The following HPGDS variants were observed in gnomAD, a reference collection of about 807,000 sequenced individuals.
HPGDS encodes GST class-sigma.
A neutral mutation model predicts 23.1 loss-of-function variants in HPGDS; 26 were observed. The ratio of observed to expected loss-of-function variants is 1.13; its 90% CI spans 0.83 to 1.56. The LOEUF (loss-of-function observed/expected upper bound fraction) is 1.56. Among genes scored for constraint, HPGDS ranks in the 40% most tolerant of loss-of-function variants. HPGDS has a pLI of 0.00. For synonymous variants in HPGDS, 95 were observed against 77.9 expected (o/e 1.22, Z -1.16); for missense variants, 268 against 236.4 (o/e 1.13, Z -0.88).
intron 2 of HPGDS, among the ~76,000 whole-genome samples, chr4:94,328,965 C>T (rs1328456687): frequency 6.6e-6 from 1 of 152,060 alleles, no homozygotes; most frequent in Non-Finnish European, 1.5e-5. Flanking sequence ...AATAAAAATA[C>T]CTTTAAGTAC....
intron 4 of HPGDS, among the ~76,000 whole-genome samples, chr4:94,306,540 A>T (rs1335042965): frequency 2.0e-5 from 3 of 152,060 alleles, no homozygotes; most frequent in Non-Finnish European, 4.4e-5. Context: ...TCAGGAAATG[A>T]CCGGATATGT....
At chr4:94,318,552 A>G (rs887850888) in intron 2 of HPGDS, among the ~76,000 whole-genome samples, 1 of 152,034 alleles carries the variant, frequency 6.6e-6, no homozygotes, top group African/African-American at 2.4e-5. Context: ...GTCTTTTTAT[A>G]TTGATTTCTA....
In HPGDS at chr4:94,317,870, T is replaced by A. The variant is rs751959651; in HGVS notation, c.226+3A>T. Reference sequence around the variant, plus strand: ...AAAATCTTAAGCACAATAAACATGTTACCTGTGTTTTTGGTCAAATATCTT... The same window carrying A: ...AAAATCTTAAGCACAATAAACATGTAACCTGTGTTTTTGGTCAAATATCTT... On this transcript the variant is annotated splice_donor_region_variant and intron_variant, in intron 3 of 5. Transcript: ENST00000295256. 2 of 1,559,690 alleles carry A rather than the reference T, an allele frequency of 1.3e-6. No individual in the cohort carries two copies. The highest frequency in any genetic ancestry group is 1.8e-6 in the Non-Finnish European group (2 of 1,131,948).
intron 2 of HPGDS, among the ~76,000 whole-genome samples, chr4:94,322,198 T>A (rs1374831566): frequency 6.8e-6 from 1 of 147,192 alleles, no homozygotes; most frequent in Non-Finnish European, 1.5e-5. Flanking sequence ...CCATCGATGT[T>A]CATCAGGGAT....
intron 1 of HPGDS, among the ~76,000 whole-genome samples, chr4:94,337,422 A>G (rs111999776): frequency 0.044 from 6,756 of 152,126 alleles, 408 homozygotes; most frequent in African/African-American, 0.14. Context: ...CACGCCTGTA[A>G]TCCTAGCACT....
At chr4:94,333,787 G>C (rs1411123613) in intron 2 of HPGDS, among the ~76,000 whole-genome samples, 1 of 152,178 alleles carries the variant, frequency 6.6e-6, no homozygotes, top group African/African-American at 2.4e-5. Context: ...TGTAATATCT[G>C]CACCTTTCTA....
intron 2 of HPGDS, among the ~76,000 whole-genome samples, chr4:94,323,676 C>T (rs1020429044): frequency 1.3e-5 from 2 of 152,068 alleles, no homozygotes; most frequent in South Asian, 2.1e-4. Context: ...TGAGATGGGT[C>T]TCCTGAATAC....
chr4:94,307,756 G>T (rs62320435), intron 4 of HPGDS, among the ~76,000 whole-genome samples: 6,164 of 152,212 alleles, frequency 0.04, 166 homozygotes, highest in South Asian at 0.077. Flanking sequence ...TGGAAAGTCA[G>T]CAGTAAAAGT....
At chr4:94,315,931 C>T (rs1756388456) in intron 3 of HPGDS, among the ~76,000 whole-genome samples, 1 of 152,116 alleles carries the variant, frequency 6.6e-6, no homozygotes, top group African/African-American at 2.4e-5. Flanking sequence ...CTCATTTTTT[C>T]AGCCTCCTTT....
At chr4:94,303,499 C>T (rs930658172) in intron 4 of HPGDS, among the ~76,000 whole-genome samples, 2 of 152,134 alleles carry the variant, frequency 1.3e-5, no homozygotes, top group Non-Finnish European at 2.9e-5. Flanking sequence ...ATTTAAAAAC[C>T]GAAGCTTATA....
At chr4:94,322,779 C>G (rs897953609) in intron 2 of HPGDS, among the ~76,000 whole-genome samples, 1 of 152,050 alleles carries the variant, frequency 6.6e-6, no homozygotes, top group Non-Finnish European at 1.5e-5. Context: ...CTGTTCTGAT[C>G]TTACTTATTT....
At chr4:94,310,486 C>A (rs1442950290) in intron 3 of HPGDS, among the ~76,000 whole-genome samples, 1 of 152,056 alleles carries the variant, frequency 6.6e-6, no homozygotes, top group Non-Finnish European at 1.5e-5. Flanking sequence ...TTCCACTGGT[C>A]TGCCTATATC....
At chr4:94,322,718 T>A (rs923309603) in intron 2 of HPGDS, among the ~76,000 whole-genome samples, 5 of 152,062 alleles carry the variant, frequency 3.3e-5, no homozygotes, top group African/African-American at 1.2e-4. Flanking sequence ...AATAAGCTCC[T>A]GGGTTCGCTG....
In HPGDS at chr4:94,302,210, G is replaced by T. The variant is rs748351793; in HGVS notation, c.371C>A (p.Ala124Glu). 6.2e-7 allele frequency: 1 copy of T among 1,612,280 alleles called. No individual in the cohort carries two copies. Among genetic ancestry groups the T allele is most frequent in the Non-Finnish European group, 8.5e-7 (1 of 1,178,770 alleles). Residue 124 changes from alanine to glutamate, a missense_variant, in exon 5 of 6, where the codon GCG (alanine) becomes GAG (glutamate). Physicochemically the swap from Ala to Glu is moderately radical, Grantham distance 107. Transcript: ENST00000295256. ...GTCCAAGTCTTGCATAAGATGAGGC[G>T]CATTATACGTGAGCAGCTCATTGAA... ...QMFNELLTYN[A>E]PHLMQDLDTY...
chr4:94,310,750 G>A (rs1241349268), intron 3 of HPGDS, among the ~76,000 whole-genome samples: 1 of 152,124 alleles, frequency 6.6e-6, no homozygotes, highest in African/African-American at 2.4e-5. Context: ...TCACAACATT[G>A]ATTCTTCCTA....
chr4:94,310,628 G>C (rs1279225262), intron 3 of HPGDS, among the ~76,000 whole-genome samples: 3 of 151,984 alleles, frequency 2.0e-5, no homozygotes, highest in Non-Finnish European at 4.4e-5. Flanking sequence ...GCTCTTTTTT[G>C]GTTCCATATG....
At chr4:94,327,048 G>T (rs1467757784) in intron 2 of HPGDS, among the ~76,000 whole-genome samples, 1 of 152,004 alleles carries the variant, frequency 6.6e-6, no homozygotes, top group South Asian at 2.1e-4. Context: ...AGTCTTTGCT[G>T]GGGAGGGGGA....
intron 1 of HPGDS, among the ~76,000 whole-genome samples, chr4:94,340,311 C>CTTTTTTTTTTTTTTTTTTTTTTTTT (rs869240610): frequency 8.4e-5 from 2 of 23,674 alleles, no homozygotes; most frequent in South Asian, 1.6e-3. Flanking sequence ...CTTTCTTTCT[C>CTTTTTTTTTTTTTTTTTTTTTTTTT]TTTTTTTTTT....
intron 1 of HPGDS, among the ~76,000 whole-genome samples, chr4:94,337,037 T>A (rs939909359): frequency 6.6e-6 from 1 of 152,288 alleles, no homozygotes; most frequent in Non-Finnish European, 1.5e-5. Context: ...CAATCTGGGC[T>A]CACTGCAACC....
Sources: gnomAD v4.1 joint callset for allele counts (sites outside exome capture counted in the v4.1 genomes callset) on GRCh38, gnomAD v4.1.1 for gene constraint, MANE v1.5 for transcripts, NCBI Gene and HGNC (gene_info 2026-07-23, HGNC 2026-07-21) for gene names.